CCDC30: variants seen among roughly 807,000 people sequenced by gnomAD.
CCDC30 encodes coiled-coil domain containing 30, also known as coiled-coil domain-containing protein 30.
In CCDC30, 70 loss-of-function variants were observed where a neutral mutation model predicts 100.2. The observed-to-expected ratio is 0.70, with a 90% CI of 0.58 to 0.85. The LOEUF is 0.85. CCDC30 is among the 40% of genes least tolerant of loss of function. CCDC30 has a pLI of 0.00. For missense variants in CCDC30, 652 were observed against 771.2 expected (o/e 0.85, Z 1.83); for synonymous variants, 233 against 269.5 (o/e 0.86, Z 1.33).
intron 6 of CCDC30, among the ~76,000 whole-genome samples, chr1:42,565,578 T>C (rs530162997): frequency 2.6e-5 from 4 of 152,202 alleles, no homozygotes; most frequent in Non-Finnish European, 5.9e-5. Context: ...ACTTCGACAC[T>C]GTGGGTGGGA....
intron 3 of CCDC30, among the ~76,000 whole-genome samples, chr1:42,488,890 G>A (rs1304603429): frequency 6.6e-6 from 1 of 152,090 alleles, no homozygotes; most frequent in African/African-American, 2.4e-5. Flanking sequence ...GGTCTTTCTG[G>A]TTTGGCCTCT....
chr1:42,638,849 C>G (rs1647216654), intron 12 of CCDC30, among the ~76,000 whole-genome samples: 3 of 151,738 alleles, frequency 2.0e-5, no homozygotes, highest in Admixed American at 2.0e-4. Flanking sequence ...GCACTCTAGC[C>G]TGGGGGACAA....
chr1:42,512,780 C>T (rs982669508), intron 6 of CCDC30, among the ~76,000 whole-genome samples: 18 of 152,252 alleles, frequency 1.2e-4, no homozygotes, highest in East Asian at 3.9e-4. Context: ...CAGCCCCATG[C>T]GGTGGCTAGG....
At chr1:42,607,555 T>TAAAAA (rs60204912) in intron 10 of CCDC30, among the ~76,000 whole-genome samples, 1 of 89,754 alleles carries the variant, frequency 1.1e-5, no homozygotes, top group Non-Finnish European at 2.5e-5. Context: ...CTTGTCTCTA[T>TAAAAA]AAAAAAAAAA....
intron 4 of CCDC30, among the ~76,000 whole-genome samples, chr1:42,496,232 G>A (rs1001959770): frequency 4.0e-5 from 6 of 151,828 alleles, no homozygotes; most frequent in African/African-American, 1.5e-4. Context: ...GAATAATTCT[G>A]TGTTGAGTTG....
exon 8 of CCDC30, chr1:42,577,025 G>T: frequency 1.2e-6 from 2 of 1,608,866 alleles, no homozygotes; most frequent in Non-Finnish European, 1.7e-6. Flanking sequence ...TCTAGATAAA[G>T]ATTGAACTAA....
At chr1:42,652,993 C>T (rs1048091367) in intron 15 of CCDC30, among the ~76,000 whole-genome samples, 3 of 152,012 alleles carry the variant, frequency 2.0e-5, no homozygotes, top group Non-Finnish European at 4.4e-5. Context: ...CATTAGAAAG[C>T]ACTGAATTGA....
intron 6 of CCDC30, among the ~76,000 whole-genome samples, chr1:42,534,615 G>C (rs1041499710): frequency 6.6e-6 from 1 of 152,184 alleles, no homozygotes; most frequent in African/African-American, 2.4e-5. Context: ...TTAAACATAA[G>C]AAAGGTAAAT....
At chr1:42,497,205 G>A (rs1644244611) in exon 5 of CCDC30, 1 of 1,231,638 alleles carries the variant, frequency 8.1e-7, no homozygotes, top group African/African-American at 1.6e-5. Context: ...AAAGGTGCTT[G>A]GTGAAATGGT....
Position 42,542,545 on chromosome 1 carries a change from T to C in CCDC30, c.457-23751T>C, listed in dbSNP as rs61324070. 6.1e-4 allele frequency among the ~76,000 whole-genome samples: 66 copies of C among 107,982 alleles called. 7 individuals carry two copies. The highest frequency in any genetic ancestry group is 2.0e-3 in the African/African-American group (55 of 27,986). 70.8% of individuals were successfully genotyped at this position (107,982 alleles called of 152,430 possible). ...TGGCTAATTTTAAATTTTTCTTTTT[T>C]TTTTTTTTTTTTTTTTGAGACGGAG... On this transcript the variant is annotated intron_variant, in intron 6 of 16. Transcript: ENST00000668663.
intron 11 of CCDC30, among the ~76,000 whole-genome samples, chr1:42,619,702 G>C (rs1288864784): frequency 6.6e-6 from 1 of 152,148 alleles, no homozygotes; most frequent in Admixed American, 6.5e-5. Context: ...AAAGGTTTCA[G>C]ACTCTCAGTG....
intron 6 of CCDC30, among the ~76,000 whole-genome samples, chr1:42,548,549 T>C (rs1645188716): frequency 6.6e-6 from 1 of 152,190 alleles, no homozygotes. Context: ...GCAGATACTA[T>C]GATTGCCTTG....
chr1:42,564,852 A>G (rs913406643), intron 6 of CCDC30, among the ~76,000 whole-genome samples: 5 of 151,922 alleles, frequency 3.3e-5, no homozygotes, highest in Admixed American at 6.6e-5. Context: ...CAGCCTCTCA[A>G]CCACCATTCT....
chr1:42,539,485 G>A (rs916274040), intron 6 of CCDC30, among the ~76,000 whole-genome samples, 175 bp downstream of exon 8: 2 of 152,158 alleles, frequency 1.3e-5, no homozygotes, highest in African/African-American at 4.8e-5. Flanking sequence ...CAAGCTATAT[G>A]TCAAGATAAA....
At chr1:42,656,179 T>C (rs1246505338), downstream of CCDC30, among the ~76,000 whole-genome samples, 1 of 152,142 alleles carries the variant, frequency 6.6e-6, no homozygotes, top group Non-Finnish European at 1.5e-5. Flanking sequence ...TGGTTTTACT[T>C]TGTTACTATT....
chr1:42,615,148 T>C (rs1048265116), intron 11 of CCDC30, among the ~76,000 whole-genome samples: 2 of 152,078 alleles, frequency 1.3e-5, no homozygotes, highest in East Asian at 1.9e-4. Flanking sequence ...AATGTGAAGA[T>C]GGTTGATAGG....
intron 11 of CCDC30, among the ~76,000 whole-genome samples, chr1:42,632,071 G>T (rs1647048400): frequency 6.6e-6 from 1 of 152,130 alleles, no homozygotes; most frequent in Non-Finnish European, 1.5e-5. Flanking sequence ...CACCACAGCT[G>T]GGAATGTCTT....
chr1:42,554,026 CACACGTTA>C (rs1389161165), intron 6 of CCDC30, among the ~76,000 whole-genome samples: 4 of 151,964 alleles, frequency 2.6e-5, no homozygotes, highest in Non-Finnish European at 4.4e-5. Flanking sequence ...TATGTGTGTA[CACACGTTA>C]ATACATACAT....
chr1:42,574,537 C>G (rs895868924), intron 7 of CCDC30, among the ~76,000 whole-genome samples: 6 of 152,044 alleles, frequency 3.9e-5, no homozygotes, highest in African/African-American at 1.4e-4. Flanking sequence ...ATCAGTCTCA[C>G]TAGAAGTTTA....
Sources: gnomAD v4.1 joint callset for allele counts (sites outside exome capture counted in the v4.1 genomes callset) on GRCh38, gnomAD v4.1.1 for gene constraint, MANE v1.5 for transcripts, NCBI Gene and HGNC (gene_info 2026-07-23, HGNC 2026-07-21) for gene names.